Variants in POF1B observed in about 807,000 individuals in gnomAD.
The protein encoded by POF1B is protein POF1B.
Under a neutral mutation model 55.3 loss-of-function variants are expected in POF1B, and 53 were observed. That is an observed-to-expected ratio of 0.96 (90% confidence interval 0.77 to 1.20). The LOEUF (loss-of-function observed/expected upper bound fraction) is 1.20. Ranked by LOEUF, POF1B falls within the 50% of genes most tolerant of loss-of-function variation. POF1B has a pLI of 0.00. For missense variants in POF1B, 478 were observed against 420.5 expected (o/e 1.14, Z -1.20); for synonymous variants, 188 against 148.3 (o/e 1.27, Z -1.95).
At chrX:85,336,495 C>A (rs191975898) in intron 6 of POF1B, among the ~76,000 whole-genome samples, 1 of 110,671 alleles carries the variant, frequency 9.0e-6, no homozygotes, top group Non-Finnish European at 1.9e-5. Flanking sequence ...TAGATAAAAT[C>A]CATTTTAAGT....
chrX:85,306,390 GTTC>G, intron 11 of POF1B, 57 bp from the exon 12 acceptor site: 1 of 1,075,658 alleles, frequency 9.3e-7, no homozygotes, highest in East Asian at 3.1e-5. Flanking sequence ...GTGAGGGAGT[GTTC>G]TTTTTATTGA....
intron 3 of POF1B, among the ~76,000 whole-genome samples, chrX:85,360,568 C>CACT (rs1555988354): frequency 0.014 from 1,115 of 81,298 alleles, 68 homozygotes; most frequent in African/African-American, 0.055. Context: ...TACATATATA[C>CACT]ACATTTTCTT....
intron 6 of POF1B, among the ~76,000 whole-genome samples, chrX:85,343,245 A>G (rs1175761974): frequency 9.0e-6 from 1 of 111,123 alleles, no homozygotes; most frequent in Non-Finnish European, 1.9e-5. Context: ...AATTAAAGAA[A>G]AAAATCCTCC....
chrX:85,378,981 A>T (rs923550719), intron 2 of POF1B, among the ~76,000 whole-genome samples, 192 bp downstream of exon 2: 1 of 112,044 alleles, frequency 8.9e-6, no homozygotes, highest in African/African-American at 3.2e-5. Context: ...TGAAACCCGG[A>T]AACAAACAAC....
At chrX:85,304,600 A>T in intron 13 of POF1B, 129 bp from the exon 14 acceptor site, 1 of 322,357 alleles carries the variant, frequency 3.1e-6, no homozygotes, top group Middle Eastern at 1.1e-3. Context: ...AATAGTCATA[A>T]ACGTTCGAAG....
At chrX:85,320,963 C>G (rs1470769890) in intron 7 of POF1B, among the ~76,000 whole-genome samples, 1 of 108,918 alleles carries the variant, frequency 9.2e-6, no homozygotes, top group Non-Finnish European at 1.9e-5. Context: ...GCTTACCAAC[C>G]AAAAAGAGTC....
rs146917567 is a variant in POF1B, at chrX:85,337,676, T to A, written c.724-6597A>T. ...AATGAAGACTTCTTTATAACAGTTCTGTACTTGAAATAAAGAACTAATTTA... is the reference window on the plus strand; with the variant it reads ...AATGAAGACTTCTTTATAACAGTTCAGTACTTGAAATAAAGAACTAATTTA... On this transcript the variant is annotated intron_variant, in intron 6 of 16. Coordinates refer to ENST00000262753, the MANE Select transcript of POF1B (RefSeq NM_024921.4). 7.2e-4 allele frequency among the ~76,000 whole-genome samples: 81 copies of A among 111,899 alleles called. 1 individual carries two copies. The highest frequency in any genetic ancestry group is 1.3e-4 in the Non-Finnish European group (7 of 53,075).
rs751231150 is a variant in POF1B, at chrX:85,354,564, T to G, written c.439-3113A>C. 5.5e-4 allele frequency among the ~76,000 whole-genome samples: 61 copies of G among 111,276 alleles called. 1 individual carries two copies. The highest frequency in any genetic ancestry group is 2.0e-3 in the African/African-American group (60 of 30,696). ...ATTGTATATCTAGAAAACCCCATCATCTCAGCCCAAAATCTCCTTAAGCTG... is the reference window on the plus strand; with the variant it reads ...ATTGTATATCTAGAAAACCCCATCAGCTCAGCCCAAAATCTCCTTAAGCTG... On this transcript the variant is annotated intron_variant, in intron 4 of 16. Transcript: ENST00000262753.
chrX:85,363,180 A>G (rs1933657288), intron 3 of POF1B, among the ~76,000 whole-genome samples: 1 of 110,672 alleles, frequency 9.0e-6, no homozygotes, highest in South Asian at 3.8e-4. Flanking sequence ...TGCCTTATTA[A>G]TTTTTTGAGA....
intron 9 of POF1B, among the ~76,000 whole-genome samples, chrX:85,312,037 G>A (rs1194281312): frequency 8.9e-6 from 1 of 111,988 alleles, no homozygotes; most frequent in African/African-American, 3.2e-5. Flanking sequence ...TTTGATTCTT[G>A]TAAATTTGTT....
chrX:85,333,836 G>A (rs1933018737), intron 6 of POF1B, among the ~76,000 whole-genome samples: 1 of 109,005 alleles, frequency 9.2e-6, no homozygotes, highest in Admixed American at 9.9e-5. Flanking sequence ...GTCAAAAGCA[G>A]GTAAGTCGTT....
intron 6 of POF1B, among the ~76,000 whole-genome samples, chrX:85,341,419 T>C (rs1182516347): frequency 9.0e-6 from 1 of 110,899 alleles, no homozygotes; most frequent in Non-Finnish European, 1.9e-5. Flanking sequence ...AAAACTAATT[T>C]ATAAAAAAGC....
chrX:85,323,488 T>C (rs1486574416), intron 7 of POF1B, among the ~76,000 whole-genome samples: 1 of 108,254 alleles, frequency 9.2e-6, no homozygotes, highest in African/African-American at 3.4e-5. Context: ...GAGATATACC[T>C]AATGCTAAAT....
At chrX:85,348,411 A>G (rs933292180) in intron 5 of POF1B, among the ~76,000 whole-genome samples, 11 of 111,096 alleles carry the variant, frequency 9.9e-5, no homozygotes, top group African/African-American at 3.6e-4. Flanking sequence ...AATCATATGA[A>G]TTGGATAGTT....
chrX:85,321,179 T>C (rs1932834290), intron 7 of POF1B, among the ~76,000 whole-genome samples: 1 of 111,748 alleles, frequency 8.9e-6, no homozygotes, highest in Non-Finnish European at 1.9e-5. Context: ...TGAATATTAA[T>C]GCAAAAATCC....
At chrX:85,284,708 A>T (rs1320395252) in intron 15 of POF1B, among the ~76,000 whole-genome samples, 1 of 111,936 alleles carries the variant, frequency 8.9e-6, no homozygotes, top group African/African-American at 3.2e-5. Flanking sequence ...AAACCCTAGA[A>T]GAAAACCTAG....
intron 7 of POF1B, among the ~76,000 whole-genome samples, chrX:85,329,647 A>ATT (rs1569289842): frequency 0.017 from 1,774 of 104,323 alleles, 39 homozygotes; most frequent in African/African-American, 0.064. Context: ...TTTTTTTTAA[A>ATT]AAAAGAGAAT....
chrX:85,368,725 A>G (rs906723851), intron 2 of POF1B, among the ~76,000 whole-genome samples: 3 of 111,631 alleles, frequency 2.7e-5, no homozygotes, highest in African/African-American at 9.8e-5. Flanking sequence ...AAATGGTCCA[A>G]TAAAATGATC....
intron 3 of POF1B, among the ~76,000 whole-genome samples, chrX:85,362,000 G>T (rs968769918): frequency 4.6e-5 from 5 of 108,747 alleles, no homozygotes; most frequent in African/African-American, 1.7e-4. Flanking sequence ...ATGTGTGTGT[G>T]TGGCAATTGT....
Sources: allele counts gnomAD v4.1 joint callset (sites outside exome capture counted in the v4.1 genomes callset), GRCh38; gene constraint gnomAD v4.1.1; transcripts MANE v1.5; gene names NCBI Gene and HGNC (gene_info 2026-07-23, HGNC 2026-07-21).